CHRM3: variants seen among roughly 807,000 people sequenced by gnomAD.
The protein encoded by CHRM3 is cholinergic receptor muscarinic 3, also known as muscarinic acetylcholine receptor M3.
Under a neutral mutation model 41.8 loss-of-function variants are expected in CHRM3, and 11 were observed. That is an observed-to-expected ratio of 0.26 (90% CI 0.17 to 0.44). The LOEUF is 0.44. Ranked by LOEUF, CHRM3 falls within the 20% of genes least tolerant of loss-of-function variation. The pLI is 1.00. For missense variants in CHRM3, 571 were observed against 745.4 expected, an observed-to-expected ratio of 0.77 and a Z score of 2.72; for synonymous variants, 297 against 301.4, an observed-to-expected ratio of 0.99 and a Z score of 0.15.
chr1:239,747,160 A>G (rs1023437671), intron 5 of CHRM3, among the ~76,000 whole-genome samples: 1 of 152,226 alleles, frequency 6.6e-6, no homozygotes, highest in African/African-American at 2.4e-5. Context: ...ATGTAAAAAT[A>G]TAAATTATTT....
intron 3 of CHRM3, among the ~76,000 whole-genome samples, chr1:239,591,511 G>A (rs1367408571): frequency 6.6e-6 from 1 of 151,930 alleles, no homozygotes; most frequent in African/African-American, 2.4e-5. Flanking sequence ...CTAAAGCAAT[G>A]ACTGCAGCGG....
At chr1:239,653,880 C>T (rs191769325) in intron 4 of CHRM3, among the ~76,000 whole-genome samples, 213 of 152,140 alleles carry the variant, frequency 1.4e-3, no homozygotes, top group South Asian at 4.1e-3. Flanking sequence ...AGGAGAAAAA[C>T]AAAACAAACA....
At chr1:239,650,549 A>C (rs1672140015) in intron 4 of CHRM3, among the ~76,000 whole-genome samples, 1 of 152,202 alleles carries the variant, frequency 6.6e-6, no homozygotes. Flanking sequence ...GGGAGAGAGA[A>C]AGTGATGTGT....
chr1:239,479,984 T>C (rs536671648), intron 1 of CHRM3, among the ~76,000 whole-genome samples: 2 of 152,306 alleles, frequency 1.3e-5, no homozygotes, highest in Non-Finnish European at 2.9e-5. Flanking sequence ...ACAAAGGCTA[T>C]GGTGTCACTA....
rs182546748 is a variant in CHRM3, at chr1:239,606,436, C to T, written c.-312-25788C>T. Among the ~76,000 whole-genome samples, 48 of 152,084 alleles carry T rather than the reference C, an allele frequency of 3.2e-4. No individual in the cohort carries two copies. The East Asian group carries it at 7.4e-3, about 23-fold the overall frequency. On this transcript the variant is annotated intron_variant, in intron 3 of 6. Transcript: ENST00000676153. ...GACTACAGGCGCCCACCAGCACGTT[C>T]GGCTTATTTTTGTATTTTTAGTAGA...
intron 4 of CHRM3, among the ~76,000 whole-genome samples, chr1:239,633,796 T>C (rs1346529218): frequency 6.6e-6 from 1 of 151,730 alleles, no homozygotes; most frequent in Non-Finnish European, 1.5e-5. Flanking sequence ...AAAATGAGCT[T>C]GAGCTCTGGC....
intron 2 of CHRM3, among the ~76,000 whole-genome samples, chr1:239,519,749 T>TTTC (rs1388006901): frequency 7.7e-6 from 1 of 130,434 alleles, no homozygotes; most frequent in Non-Finnish European, 1.7e-5. Flanking sequence ...TTCTTTTTTT[T>TTTC]TTTTTTTTTT....
chr1:239,896,252 C>T (rs1161497141), intron 6 of CHRM3, among the ~76,000 whole-genome samples: 1 of 152,180 alleles, frequency 6.6e-6, no homozygotes, highest in African/African-American at 2.4e-5. Flanking sequence ...AGCTTGGAGT[C>T]TTATTCCTCA....
intron 1 of CHRM3, chr1:239,408,237 T>G (rs1267425337): frequency 2.0e-5 from 3 of 152,128 alleles, no homozygotes; most frequent in Non-Finnish European, 4.4e-5. Context: ...TGCAATCCCC[T>G]TATGCCATAA....
intron 4 of CHRM3, among the ~76,000 whole-genome samples, chr1:239,675,863 G>A (rs755607897): frequency 3.9e-5 from 6 of 152,078 alleles, no homozygotes; most frequent in Non-Finnish European, 8.8e-5. Context: ...GAAAACATGG[G>A]AGGGAGGGAA....
intron 5 of CHRM3, among the ~76,000 whole-genome samples, chr1:239,766,128 T>G (rs535079188): frequency 6.6e-6 from 1 of 152,116 alleles, no homozygotes; most frequent in Non-Finnish European, 1.5e-5. Flanking sequence ...ATGAGTATTT[T>G]CTTAATAAAA....
intron 5 of CHRM3, among the ~76,000 whole-genome samples, chr1:239,816,531 T>A (rs1306271443): frequency 2.0e-5 from 3 of 152,016 alleles, no homozygotes; most frequent in Non-Finnish European, 4.4e-5. Context: ...GACCTCCAGA[T>A]AACAAGCTCA....
In CHRM3 at chr1:239,807,815, TGC is replaced by T. The variant is rs201227604; in HGVS notation, c.-146-19434_-146-19433del. Among the ~76,000 whole-genome samples the T allele has an allele frequency of 7.7e-4, 103 of 133,136 alleles. 1 individual carries two copies. Among genetic ancestry groups the T allele is most frequent in the African/African-American group, 3.2e-3 (92 of 28,502 alleles). The allele number at this position is 133,136 out of a possible 152,430, so 87.3% of individuals were successfully genotyped here. A position where few individuals can be genotyped will look rare whatever the true frequency, so the allele number is the denominator to read the frequency against. ...TACATGTAATTGAGTGTTTTTGCTT[TGC>T]GCACACACACACACACACACACACA... On this transcript the variant is annotated intron_variant, in intron 5 of 6. Transcript: ENST00000676153.
intron 3 of CHRM3, among the ~76,000 whole-genome samples, chr1:239,623,282 GCCCCGGGGTGTGATGTT>G (rs1173585981): frequency 2.8e-5 from 3 of 108,070 alleles, no homozygotes; most frequent in African/African-American, 1.1e-4. Flanking sequence ...CCCACAACAG[GCCCCGGGGTGTGATGTT>G]CCCCTTCCTG....
At chr1:239,636,100 T>C (rs778816319) in intron 4 of CHRM3, among the ~76,000 whole-genome samples, 1 of 152,164 alleles carries the variant, frequency 6.6e-6, no homozygotes, top group Non-Finnish European at 1.5e-5. Flanking sequence ...ATCTATAATA[T>C]TGGGCGACAG....
chr1:239,889,035 A>G (rs971031988), intron 6 of CHRM3, among the ~76,000 whole-genome samples: 2 of 152,194 alleles, frequency 1.3e-5, no homozygotes, highest in Non-Finnish European at 2.9e-5. Flanking sequence ...TCTCATGGCC[A>G]GGGAAGTCAA....
chr1:239,652,822 T>C (rs994278516), intron 4 of CHRM3, among the ~76,000 whole-genome samples: 3 of 151,420 alleles, frequency 2.0e-5, no homozygotes, highest in Admixed American at 6.6e-5. Flanking sequence ...TCTCATAAAG[T>C]CGTGAAAACC....
At chr1:239,508,159 G>T (rs1016119774) in intron 2 of CHRM3, among the ~76,000 whole-genome samples, 1 of 152,074 alleles carries the variant, frequency 6.6e-6, no homozygotes, top group Admixed American at 6.5e-5. Flanking sequence ...AATTAAATTG[G>T]CTCTCCAAAG....
intron 1 of CHRM3, among the ~76,000 whole-genome samples, chr1:239,474,106 A>T (rs925584738): frequency 3.9e-5 from 6 of 152,120 alleles, no homozygotes; most frequent in African/African-American, 1.4e-4. Context: ...AGAGTATAAA[A>T]GAAAAAATAA....
Sources: allele counts gnomAD v4.1 joint callset (sites outside exome capture counted in the v4.1 genomes callset), GRCh38; gene constraint gnomAD v4.1.1; transcripts MANE v1.5; gene names NCBI Gene and HGNC (gene_info 2026-07-23, HGNC 2026-07-21).